Variants in PTPRG observed in about 807,000 individuals in gnomAD.
PTPRG encodes protein tyrosine phosphatase receptor type G.
A neutral mutation model predicts 165.3 loss-of-function variants in PTPRG; 102 were observed. The ratio of observed to expected loss-of-function variants is 0.62; its 90% CI spans 0.53 to 0.73. PTPRG has a LOEUF of 0.73. Ranked by LOEUF, PTPRG falls within the 30% of genes least tolerant of loss-of-function variation. PTPRG has a pLI of 0.00. For missense variants in PTPRG, 1,866 were observed against 1,861.4 expected (o/e 1.00, Z -0.05); for synonymous variants, 675 against 669.5 (o/e 1.01, Z -0.13).
chr3:61,753,738 T>C, intron 2 of PTPRG: 1 of 371,002 alleles, frequency 2.7e-6, no homozygotes, highest in South Asian at 2.0e-5. Flanking sequence ...GGATTATAGG[T>C]GTGCACAATC....
intron 1 of PTPRG, among the ~76,000 whole-genome samples, chr3:61,739,420 A>T (rs2032895910): frequency 6.6e-6 from 1 of 152,146 alleles, no homozygotes; most frequent in Non-Finnish European, 1.5e-5. Flanking sequence ...TATGAGGCTC[A>T]TGTAGAAATT....
chr3:62,029,218 T>C, intron 4 of PTPRG, among the ~76,000 whole-genome samples: 1 of 152,180 alleles, frequency 6.6e-6, no homozygotes, highest in East Asian at 1.9e-4. Context: ...AAGAATTCTA[T>C]GTGTATCTTC....
intron 1 of PTPRG, among the ~76,000 whole-genome samples, chr3:61,596,744 G>A (rs1216331419): frequency 3.3e-5 from 5 of 151,948 alleles, no homozygotes; most frequent in Non-Finnish European, 7.4e-5. Context: ...ACAAAAATGA[G>A]AATTGCATGA....
intron 8 of PTPRG, among the ~76,000 whole-genome samples, chr3:62,187,093 C>T (rs1368629952): frequency 6.6e-6 from 1 of 152,246 alleles, no homozygotes; most frequent in Non-Finnish European, 1.5e-5. Flanking sequence ...GTCTTAGATG[C>T]AAGGTAATGA....
At chr3:62,267,627 T>C (rs546637661) in intron 18 of PTPRG, 58 bp from the exon 19 acceptor site, 92 of 1,581,744 alleles carry the variant, frequency 5.8e-5, no homozygotes, top group Admixed American at 4.8e-4. Flanking sequence ...ATTTGAATTA[T>C]TGACTGGTCT....
intron 1 of PTPRG, among the ~76,000 whole-genome samples, chr3:61,727,772 G>A (rs995644290): frequency 1.3e-5 from 2 of 152,162 alleles, no homozygotes; most frequent in Admixed American, 6.5e-5. Flanking sequence ...GTATGTTCTA[G>A]GTAACTAAAT....
At chr3:61,661,440 A>G (rs1260787791) in intron 1 of PTPRG, among the ~76,000 whole-genome samples, 1 of 151,888 alleles carries the variant, frequency 6.6e-6, no homozygotes, top group African/African-American at 2.4e-5. Context: ...TATGCTGCGT[A>G]TATCTTATTT....
chr3:62,152,198 T>G (rs1464037561), intron 6 of PTPRG, among the ~76,000 whole-genome samples: 1 of 151,118 alleles, frequency 6.6e-6, no homozygotes, highest in Non-Finnish European at 1.5e-5. Context: ...AGACCTCATG[T>G]CTACTAATTT....
chr3:61,952,118 GAAAAAAAA>G (rs35655816), intron 2 of PTPRG, among the ~76,000 whole-genome samples: 2 of 79,672 alleles, frequency 2.5e-5, no homozygotes, highest in African/African-American at 4.7e-5. Flanking sequence ...CTCCACCTCA[GAAAAAAAA>G]AAAAAAAAAA....
chr3:61,619,141 A>C (rs772153761), intron 1 of PTPRG, among the ~76,000 whole-genome samples: 2 of 152,098 alleles, frequency 1.3e-5, no homozygotes, highest in Non-Finnish European at 2.9e-5. Context: ...TGGGCAAAAC[A>C]GTAAGACCCT....
In PTPRG at chr3:61,762,566, A is replaced by T. The variant is rs1006466843; in HGVS notation, c.190+13584A>T. Among the ~76,000 whole-genome samples the T allele has an allele frequency of 2.0e-5, 3 of 152,168 alleles. No individual in the cohort carries two copies. The South Asian group carries it at 6.2e-4, about 32-fold the overall frequency. On this transcript the variant is annotated intron_variant, in intron 2 of 29. Transcript: ENST00000474889. ...GTGGAGGTTGAAGTGAGCCGAGATC[A>T]TGCCCCTGTACTCCAGCCTGGGCAG...
chr3:62,151,431 G>A (rs1340329233), intron 6 of PTPRG, among the ~76,000 whole-genome samples: 1 of 152,016 alleles, frequency 6.6e-6, no homozygotes, highest in African/African-American at 2.4e-5. Flanking sequence ...ACTTAATACA[G>A]TGTGTATTTA....
At chr3:62,054,774 G>A (rs1405251821) in intron 4 of PTPRG, among the ~76,000 whole-genome samples, 2 of 152,208 alleles carry the variant, frequency 1.3e-5, no homozygotes, top group Non-Finnish European at 2.9e-5. Context: ...CATTTATGAA[G>A]CGTACGGGAG....
intron 1 of PTPRG, among the ~76,000 whole-genome samples, chr3:61,623,745 G>A (rs1701529194): frequency 6.6e-6 from 1 of 152,198 alleles, no homozygotes; most frequent in Admixed American, 6.5e-5. Flanking sequence ...AGCAATTAAA[G>A]AAGACACAAA....
chr3:62,064,508 G>A (rs929337197), intron 4 of PTPRG, among the ~76,000 whole-genome samples: 3 of 151,598 alleles, frequency 2.0e-5, no homozygotes, highest in Non-Finnish European at 2.9e-5. Context: ...CTTCCCCTCC[G>A]TAGGTTCTAC....
At chr3:62,170,834 G>A (rs1005306662) in intron 8 of PTPRG, among the ~76,000 whole-genome samples, 41 of 152,008 alleles carry the variant, frequency 2.7e-4, no homozygotes, top group African/African-American at 9.2e-4. Flanking sequence ...CCCGTAATAC[G>A]TGCACAGCTT....
intron 2 of PTPRG, among the ~76,000 whole-genome samples, chr3:61,832,683 CT>C (rs756807742): frequency 6.6e-6 from 1 of 152,070 alleles, no homozygotes; most frequent in African/African-American, 2.4e-5. Flanking sequence ...TTTTTACTTA[CT>C]TTTTTAAAAA....
chr3:62,091,732 G>A (rs767812317), intron 5 of PTPRG, among the ~76,000 whole-genome samples: 31 of 152,104 alleles, frequency 2.0e-4, no homozygotes, highest in Non-Finnish European at 3.5e-4. Flanking sequence ...TAGAATACTA[G>A]GGCATGGGAA....
At position 62,273,791 on chromosome 3, in the gene PTPRG, A is replaced by G. The variant is rs995982487; in HGVS notation, c.3412A>G (p.Ser1138Gly). The change falls in exon 23 of 30, where the codon AGC becomes GGC. Residue 1138 changes from serine (S) to glycine (G), a missense_variant. This residue lies in a region of PTPRG where 1,452 missense variants were observed against 1,463.0 expected (regional missense o/e 0.99). Coordinates refer to ENST00000474889, the MANE Select transcript of PTPRG (RefSeq NM_002841.4). This position sits in a 1 kb window ranked among gnomAD's most constrained non-coding sequence, Gnocchi z 4.1. ...AAATCAGCTGCACAGCTATGTTAAC[A>G]GCATCCTTATACCAGGAGTAGGAGG... ...SSNQLHSYVN[S>G]ILIPGVGGKT... The G allele has an allele frequency of 1.2e-6, 2 of 1,613,898 alleles. No individual in the cohort carries two copies. Among genetic ancestry groups the G allele is most frequent in the Non-Finnish European group, 1.7e-6 (2 of 1,179,816 alleles).
Sources: gnomAD v4.1 joint callset for allele counts (sites outside exome capture counted in the v4.1 genomes callset) on GRCh38, gnomAD v4.1.1 for gene constraint, gnomAD v4.1.1 regional missense constraint, Gnocchi (gnomAD v3.1) non-coding constraint, MANE v1.5 for transcripts, NCBI Gene and HGNC (gene_info 2026-07-23, HGNC 2026-07-21) for gene names.